GALNT3: variants seen among roughly 807,000 people sequenced by gnomAD.
GALNT3 encodes GalNAc transferase 3.
Under a neutral mutation model 69.8 loss-of-function variants are expected in GALNT3, and 51 were observed. That is an observed-to-expected ratio of 0.73 (90% CI 0.58 to 0.92). GALNT3 has a LOEUF of 0.92. Among genes scored for constraint, GALNT3 ranks in the 40% least tolerant of loss-of-function variants. GALNT3 has a pLI of 0.00. For synonymous variants in GALNT3, 265 were observed against 248.5 expected (o/e 1.07, Z -0.63); for missense variants, 711 against 760.0 (o/e 0.94, Z 0.76).
rs747412799 is a variant in GALNT3, at chr2:165,754,673, C to T, written c.1580G>A (p.Gly527Asp). 4 of 1,613,506 alleles carry T rather than the reference C, an allele frequency of 2.5e-6. No homozygotes were observed. In the African/African-American group the frequency reaches 4.0e-5, roughly 16 times the overall value. ...ACATGTATACATAATTAATGGTTTGCCTCCTTGATTGTTTTCTCCAACATC... is the reference window on the plus strand; with the variant it reads ...ACATGTATACATAATTAATGGTTTGTCTCCTTGATTGTTTTCTCCAACATC... ...CLDVGENNQG[G>D]KPLIMYTCHG... Residue 527 changes from glycine (G) to aspartate (D), a missense_variant, in exon 9 of 11, where the codon GGC becomes GAC. Coordinates refer to ENST00000392701, the MANE Select transcript of GALNT3 (RefSeq NM_004482.4).
upstream of GALNT3, chr2:165,794,306 C>G (rs1373026777): frequency 6.6e-6 from 1 of 152,518 alleles, no homozygotes; most frequent in Non-Finnish European, 1.5e-5. Context: ...GCCAGCCTCC[C>G]GCCCCGCCCC....
At chr2:165,749,987 G>C (rs1366414211) in intron 9 of GALNT3, 93 bp from the exon 10 acceptor site, 1 of 1,135,128 alleles carries the variant, frequency 8.8e-7, no homozygotes, top group Non-Finnish European at 1.3e-6. Flanking sequence ...AAATAATAAA[G>C]TCATTTCTAT....
chr2:165,777,770 T>C (rs1014190078), intron 1 of GALNT3, among the ~76,000 whole-genome samples: 3 of 152,162 alleles, frequency 2.0e-5, no homozygotes, highest in Non-Finnish European at 2.9e-5. Flanking sequence ...GCAGTAGACA[T>C]ACCTCAAAGA....
chr2:165,775,675 A>C lies in GALNT3; in HGVS notation c.-108-4867T>G, dbSNP rs113615641. ...TATACATTAGTGAAAAGCTCTTAAA[A>C]AAATAAAGTGCCTTAGGCTTCACCT... On this transcript the variant is annotated intron_variant, in intron 1 of 10. Transcript: ENST00000392701. Among the ~76,000 whole-genome samples, 828 of 152,332 alleles carry C rather than the reference A, an allele frequency of 5.4e-3. 11 individuals carry two copies. The highest frequency in any genetic ancestry group is 0.019 in the African/African-American group (794 of 41,558).
At chr2:165,765,591 G>A (rs1194493226) in intron 2 of GALNT3, among the ~76,000 whole-genome samples, 2 of 151,618 alleles carry the variant, frequency 1.3e-5, no homozygotes, top group Admixed American at 6.6e-5. Flanking sequence ...CCAGGTTCAC[G>A]CATTTCTCCT....
chr2:165,791,590 A>G (rs1373511584), intron 1 of GALNT3, among the ~76,000 whole-genome samples: 2 of 152,170 alleles, frequency 1.3e-5, no homozygotes, highest in Non-Finnish European at 2.9e-5. Context: ...AAAAAAGTTT[A>G]AAGAAACTTA....
chr2:165,757,344 TAGAGA>T (rs1217420544), intron 6 of GALNT3, 97 bp from the exon 7 acceptor site: 3 of 1,135,578 alleles, frequency 2.6e-6, no homozygotes, highest in African/African-American at 1.5e-5. Context: ...AAAACAAAAT[TAGAGA>T]AGAGATTACA....
intron 7 of GALNT3, 27 bp from the exon 8 acceptor site, chr2:165,755,090 A>G (rs1296264197): frequency 1.3e-6 from 2 of 1,592,212 alleles, no homozygotes; most frequent in Non-Finnish European, 1.7e-6. Flanking sequence ...AATGAAGGGA[A>G]TGCTTAATTA....
intron 2 of GALNT3, among the ~76,000 whole-genome samples, chr2:165,765,306 T>G (rs894453006): frequency 1.3e-5 from 2 of 152,150 alleles, no homozygotes; most frequent in African/African-American, 4.8e-5. Context: ...CAACATGTTA[T>G]TATAGCTTTC....
chr2:165,760,396 G>C (rs1574000328), intron 4 of GALNT3, among the ~76,000 whole-genome samples: 1 of 152,164 alleles, frequency 6.6e-6, no homozygotes, highest in Admixed American at 6.5e-5. Flanking sequence ...AGGCCAGGCT[G>C]TTTTATGTAA....
At chr2:165,752,271 A>C (rs545721952) in intron 9 of GALNT3, among the ~76,000 whole-genome samples, 10 of 152,138 alleles carry the variant, frequency 6.6e-5, no homozygotes, top group Non-Finnish European at 1.3e-4. Flanking sequence ...CACAGTATTC[A>C]GGCCTCCCTC....
intron 1 of GALNT3, among the ~76,000 whole-genome samples, chr2:165,781,858 A>G (rs1035141859): frequency 6.6e-6 from 1 of 152,200 alleles, no homozygotes; most frequent in African/African-American, 2.4e-5. Flanking sequence ...CTGTGAAGCC[A>G]TATTGTTGGC....
rs887270408 is a variant in GALNT3 at position 165,775,497 on chromosome 2, C to A, written c.-108-4689G>T. ...CTATTTCTGAAGGGATTAATCTTCTCTTATCAACCCTGATCACTTAAAGAT... is the reference window on the plus strand; with the variant it reads ...CTATTTCTGAAGGGATTAATCTTCTATTATCAACCCTGATCACTTAAAGAT... On this transcript the variant is annotated intron_variant, in intron 1 of 10. Transcript: ENST00000392701. Among the ~76,000 whole-genome samples the A allele has an allele frequency of 7.9e-5, 12 of 152,148 alleles. No individual in the cohort carries two copies. The East Asian group carries it at 2.3e-3, about 29-fold the overall frequency.
chr2:165,772,023 A>G (rs1688761988), intron 1 of GALNT3, among the ~76,000 whole-genome samples: 1 of 152,216 alleles, frequency 6.6e-6, no homozygotes, highest in Non-Finnish European at 1.5e-5. Flanking sequence ...TATATTGCTC[A>G]TAAAAGTGAG....
chr2:165,764,545 T>G (rs2105412894), intron 3 of GALNT3, among the ~76,000 whole-genome samples: 1 of 152,324 alleles, frequency 6.6e-6, no homozygotes, highest in East Asian at 1.9e-4. Flanking sequence ...GTTGAGTAAC[T>G]TGCCCAAGTC....
At chr2:165,792,703 A>C (rs1683378429) in intron 1 of GALNT3, among the ~76,000 whole-genome samples, 1 of 152,232 alleles carries the variant, frequency 6.6e-6, no homozygotes, top group South Asian at 2.1e-4. Flanking sequence ...TGTTGGTTAA[A>C]GCAATATATA....
Position 165,748,861 on chromosome 2 carries a change from C to A in GALNT3, c.1822G>T (p.Ala608Ser). 6.2e-7 allele frequency: 1 copy of A among 1,611,062 alleles called. No individual in the cohort carries two copies. The change falls in exon 11 of 11, where the codon GCA (alanine) becomes TCA (serine). Residue 608 changes from alanine to serine, a missense_variant. Physicochemically the swap from Ala to Ser is moderately conservative, Grantham distance 99. Coordinates refer to ENST00000392701, the MANE Select transcript of GALNT3 (RefSeq NM_004482.4). ...YNPFLKMCLSANGEHPSLVSC... is the reference protein window; with the variant it reads ...YNPFLKMCLSSNGEHPSLVSC... ...ACTAAACTTGGATGCTCTCCATTTG[C>A]TGAAAGGCACATTTTTAAGAATGGA...
At chr2:165,763,505 T>G (rs538181403) in intron 3 of GALNT3, among the ~76,000 whole-genome samples, 1 of 152,226 alleles carries the variant, frequency 6.6e-6, no homozygotes, top group African/African-American at 2.4e-5. Context: ...AAAATAATTC[T>G]CAGATTAAGC....
intron 1 of GALNT3, among the ~76,000 whole-genome samples, chr2:165,783,727 G>A (rs138711077): frequency 2.4e-4 from 37 of 152,126 alleles, no homozygotes; most frequent in African/African-American, 8.9e-4. Context: ...ATCAAATTTG[G>A]TCTAAGAACT....
Sources: gnomAD v4.1 joint callset for allele counts (sites outside exome capture counted in the v4.1 genomes callset) on GRCh38, gnomAD v4.1.1 for gene constraint, MANE v1.5 for transcripts, NCBI Gene and HGNC (gene_info 2026-07-23, HGNC 2026-07-21) for gene names.